UTP15: variants seen among roughly 807,000 people sequenced by gnomAD.
The protein encoded by UTP15 is UTP15 small subunit processome component.
Under a neutral mutation model 59.1 loss-of-function variants are expected in UTP15, and 5 were observed. The observed-to-expected ratio is 0.08, with a 90% CI of 0.04 to 0.18. The LOEUF (loss-of-function observed/expected upper bound fraction) is 0.18. Among genes scored for constraint, UTP15 ranks in the 10% least tolerant of loss-of-function variants. The pLI is 1.00. For synonymous variants in UTP15, 211 were observed against 212.2 expected, an observed-to-expected ratio of 0.99 and a Z score of 0.05; for missense variants, 494 against 616.7, an observed-to-expected ratio of 0.80 and a Z score of 2.11.
intron 7 of UTP15, among the ~76,000 whole-genome samples, chr5:73,576,146 C>G (rs1331843092): frequency 6.6e-6 from 1 of 151,902 alleles, no homozygotes; most frequent in African/African-American, 2.4e-5. Flanking sequence ...ACTCTGTGGC[C>G]CAGGCTGGAG....
In UTP15 at chr5:73,577,282, A is replaced by T. The variant is rs544735707; in HGVS notation, c.894+246A>T. ...TCTAGGCATTGTTAACATTAAACGC[A>T]GGACCTGGGAAGCTGGTAAATCTCT... On this transcript the variant is annotated intron_variant, in intron 8 of 12. Transcript: ENST00000296792. Among the ~76,000 whole-genome samples the T allele has an allele frequency of 6.6e-5, 10 of 152,354 alleles. No homozygotes were observed. In the East Asian group the frequency reaches 1.7e-3, roughly 26 times the overall value.
Position 73,573,929 on chromosome 5 carries a change from T to C in UTP15, c.809+1305T>C, listed in dbSNP as rs1457209749. On this transcript the variant is annotated intron_variant, in intron 7 of 12. Coordinates refer to ENST00000296792, the MANE Select transcript of UTP15 (RefSeq NM_032175.4). Reference sequence around the variant, plus strand: ...TAATATCTAATGTAAAAATAAAATATATATTACATATAAAATATAATTTCA... The same window carrying C: ...TAATATCTAATGTAAAAATAAAATACATATTACATATAAAATATAATTTCA... Among the ~76,000 whole-genome samples the C allele has an allele frequency of 3.3e-5, 5 of 152,016 alleles. No individual in the cohort carries two copies. The South Asian group carries it at 1.0e-3, about 31-fold the overall frequency.
At position 73,580,315 on chromosome 5, in the gene UTP15, C is replaced by T. The variant is rs115764750; in HGVS notation, c.*221C>T. On this transcript the variant is annotated 3_prime_UTR_variant, in exon 13 of 13. Coordinates refer to ENST00000296792, the MANE Select transcript of UTP15 (RefSeq NM_032175.4). The stretch of plus-strand genomic sequence containing the variant: ...ATTATAGCATCTTCACCTAGAAGAT[C>T]TCAATTGTCTTAGTCACAGAGTAGG... 1.9e-4 allele frequency: 78 copies of T among 417,130 alleles called. No individual in the cohort carries two copies. The highest frequency in any genetic ancestry group is 1.5e-3 in the African/African-American group (74 of 49,184). The allele number at this position is 417,130 out of a possible 1,614,324, so 25.8% of individuals were successfully genotyped here.
In UTP15 at chr5:73,567,335, A is replaced by T; in HGVS notation, c.-10A>T. 6.3e-7 allele frequency: 1 copy of T among 1,580,312 alleles called. No individual in the cohort carries two copies. The highest frequency in any genetic ancestry group is 8.6e-7 in the Non-Finnish European group (1 of 1,162,524). ...GTGACTCTTGGACAATAGTGCAATT[A>T]TATGGAATTATGGCTGGTTATAAGC... On this transcript the variant is annotated 5_prime_UTR_variant, in exon 2 of 13. Transcript: ENST00000296792.
At chr5:73,579,295 A>G in intron 11 of UTP15, 22 bp from the exon 12 acceptor site, 1 of 1,604,412 alleles carries the variant, frequency 6.2e-7, no homozygotes. Flanking sequence ...AAGTTTCACT[A>G]AACTGAATTT....
At chr5:73,578,085 A>G in intron 9 of UTP15, 80 bp downstream of exon 9, 2 of 1,456,314 alleles carry the variant, frequency 1.4e-6, no homozygotes, top group Non-Finnish European at 1.9e-6. Flanking sequence ...ATTACTGGAA[A>G]GCGTAGTTCA....
chr5:73,576,305 C>T (rs969675614), intron 7 of UTP15, among the ~76,000 whole-genome samples: 23 of 151,580 alleles, frequency 1.5e-4, no homozygotes, highest in Non-Finnish European at 2.2e-4. Context: ...CGGGTTATGC[C>T]GTGTTGGCCA....
chr5:73,579,505 G>GAAAACAAC, intron 12 of UTP15, 130 bp downstream of exon 12: 1 of 763,050 alleles, frequency 1.3e-6, no homozygotes, highest in East Asian at 2.7e-5. Flanking sequence ...TTTTCATGGA[G>GAAAACAAC]AAAACAACAA....
Position 73,567,297 on chromosome 5 carries a change from C to G in UTP15, c.-48C>G. On this transcript the variant is annotated 5_prime_UTR_variant, in exon 2 of 13. Coordinates refer to ENST00000296792, the MANE Select transcript of UTP15 (RefSeq NM_032175.4). Reference sequence around the variant, plus strand: ...GAGTCACTGTAATTATTTCTAATACCAATTCCAAAATAGTGACTCTTGGAC... The same window carrying G: ...GAGTCACTGTAATTATTTCTAATACGAATTCCAAAATAGTGACTCTTGGAC... 7.6e-7 allele frequency: 1 copy of G among 1,314,680 alleles called. No homozygotes were observed. Among genetic ancestry groups the G allele is most frequent in the African/African-American group, 1.5e-5 (1 of 67,256 alleles). The allele number at this position is 1,314,680 out of a possible 1,614,324, so 81.4% of individuals were successfully genotyped here. A position where few individuals can be genotyped will look rare whatever the true frequency, so the allele number is the denominator to read the frequency against.
intron 6 of UTP15, among the ~76,000 whole-genome samples, chr5:73,571,039 G>T (rs1217590490): frequency 6.6e-6 from 1 of 152,090 alleles, no homozygotes; most frequent in African/African-American, 2.4e-5. Flanking sequence ...CACAGAACTC[G>T]AGAGCTCTGT....
chr5:73,576,072 A>C, intron 7 of UTP15, among the ~76,000 whole-genome samples: 1 of 147,880 alleles, frequency 6.8e-6, no homozygotes, highest in Admixed American at 6.8e-5. Flanking sequence ...ACAGTGGCTC[A>C]TGGTCTGTCC....
At chr5:73,578,487 C>T (rs1262026171) in intron 9 of UTP15, 1 of 372,444 alleles carries the variant, frequency 2.7e-6, no homozygotes, top group African/African-American at 2.1e-5. Flanking sequence ...GTAATTTTTA[C>T]CTAGAATTAA....
At position 73,568,441 on chromosome 5, in the gene UTP15, T is replaced by A. The variant is rs1273345500; in HGVS notation, c.205T>A (p.Ser69Thr). 6.2e-7 allele frequency: 1 copy of A among 1,609,332 alleles called. No homozygotes were observed. Among genetic ancestry groups the A allele is most frequent in the Non-Finnish European group, 8.5e-7 (1 of 1,177,710 alleles). ...GTAGATTCACATTTATGGCCGATAC[T>A]CCCAAGAACCTATAAAAACCTTTTC... is the stretch of plus-strand genomic sequence containing the variant. ...SSRIHIYGRY[S>T]QEPIKTFSRF... is the part of the protein sequence containing the mutation. Residue 69 changes from serine to threonine, a missense_variant, in exon 4 of 13, where the codon TCC becomes ACC. Coordinates refer to ENST00000296792, the MANE Select transcript of UTP15 (RefSeq NM_032175.4).
intron 12 of UTP15, 33 bp from the exon 13 acceptor site, chr5:73,579,844 G>T: frequency 1.4e-6 from 2 of 1,447,306 alleles, no homozygotes; most frequent in Non-Finnish European, 9.4e-7. Context: ...GAAAGATATT[G>T]CTAGTTAATG....
chr5:73,578,869 T>TA lies in UTP15; in HGVS notation c.1146+23dup, dbSNP rs1561280187. 1.9e-6 allele frequency: 3 copies of TA among 1,590,480 alleles called. No homozygotes were observed. In the South Asian group the frequency reaches 3.3e-5, roughly 18 times the overall value. On this transcript the variant is annotated intron_variant, in intron 10 of 12. Coordinates refer to ENST00000296792, the MANE Select transcript of UTP15 (RefSeq NM_032175.4). Reference sequence around the variant, plus strand: ...GTTCTTGATGTGAGTGAGCATTTTTTAAAAAATCATGTTATTACTTACCCT... The same window carrying TA: ...GTTCTTGATGTGAGTGAGCATTTTTTAAAAAAATCATGTTATTACTTACCCT...
chr5:73,570,041 A>T (rs561708726), intron 5 of UTP15, among the ~76,000 whole-genome samples: 2 of 152,128 alleles, frequency 1.3e-5, no homozygotes, highest in Admixed American at 6.5e-5. Flanking sequence ...CATGTTGCCC[A>T]GGCTGGTCTC....
intron 7 of UTP15, among the ~76,000 whole-genome samples, chr5:73,574,602 C>T (rs1382223706): frequency 6.6e-6 from 1 of 152,008 alleles, no homozygotes; most frequent in African/African-American, 2.4e-5. Flanking sequence ...ATCCCCTCGC[C>T]TCAGCTTCCT....
At position 73,577,955 on chromosome 5, in the gene UTP15, A is replaced by C. The variant is rs779381871; in HGVS notation, c.994A>C (p.Arg332=). The C allele has an allele frequency of 1.9e-6, 3 of 1,585,860 alleles. No homozygotes were observed. The East Asian group carries it at 6.8e-5, about 36-fold the overall frequency. The change falls in exon 9 of 13, where the codon AGG becomes CGG. Residue 332 remains arginine (R), a synonymous_variant. Transcript: ENST00000296792. The part of the protein sequence containing the change: ...AKKESLPRRR[R]PAYRTFIKGK... Reference sequence around the variant, plus strand: ...GAAGGAATCACTTCCCAGAAGAAGAAGGCCTGCATATCGAACCTTTATTAA... The same window carrying C: ...GAAGGAATCACTTCCCAGAAGAAGACGGCCTGCATATCGAACCTTTATTAA...
chr5:73,579,805 A>T, intron 12 of UTP15, 72 bp from the exon 13 acceptor site: 1 of 965,910 alleles, frequency 1.0e-6, no homozygotes, highest in Non-Finnish European at 1.5e-6. Flanking sequence ...TTATACTTTT[A>T]AAAACTTTTG....
Sources: allele counts gnomAD v4.1 joint callset (sites outside exome capture counted in the v4.1 genomes callset), GRCh38; gene constraint gnomAD v4.1.1; transcripts MANE v1.5; gene names NCBI Gene and HGNC (gene_info 2026-07-23, HGNC 2026-07-21).